The following GALNT18 variants were observed in gnomAD, a reference collection of about 807,000 sequenced individuals.
The protein encoded by GALNT18 is GalNAc-transferase 18.
GALNT18 carries 44 observed loss-of-function variants against 69.5 expected under a neutral mutation model. That is an observed-to-expected ratio of 0.63 (90% CI 0.50 to 0.81). The LOEUF (loss-of-function observed/expected upper bound fraction) is 0.81, where lower values mean the gene tolerates loss of function less well. Ranked by LOEUF, GALNT18 falls within the 40% of genes least tolerant of loss-of-function variation. The probability of loss-of-function intolerance (pLI) is 0.00; values close to 1 mark genes in which losing one functional copy is unlikely to be tolerated. For synonymous variants in GALNT18, 364 were observed against 318.2 expected, an observed-to-expected ratio of 1.14 and a Z score of -1.53; for missense variants, 715 against 810.0, an observed-to-expected ratio of 0.88 and a Z score of 1.42.
chr11:11,594,631 G>A (rs965279935), intron 1 of GALNT18, among the ~76,000 whole-genome samples: 1 of 151,952 alleles, frequency 6.6e-6, no homozygotes, highest in African/African-American at 2.4e-5. Context: ...TGTAGCATGT[G>A]CCAGTATTTT....
At chr11:11,428,769 G>T (rs917041517) in intron 3 of GALNT18, among the ~76,000 whole-genome samples, 6 of 152,158 alleles carry the variant, frequency 3.9e-5, no homozygotes, top group Non-Finnish European at 7.4e-5. Flanking sequence ...TAAGAAAAGA[G>T]AACTAGAACA....
At chr11:11,515,978 C>A (rs7102213) in intron 1 of GALNT18, among the ~76,000 whole-genome samples, 2 of 152,228 alleles carry the variant, frequency 1.3e-5, no homozygotes, top group East Asian at 1.9e-4. Context: ...CAGTCACCTG[C>A]AGGATAAGTG....
At chr11:11,431,928 T>G (rs543660171) in intron 3 of GALNT18, among the ~76,000 whole-genome samples, 1 of 152,348 alleles carries the variant, frequency 6.6e-6, no homozygotes, top group South Asian at 2.1e-4. Context: ...TGGAATGGTA[T>G]ATGATGGCAT....
At chr11:11,570,574 T>A (rs1313245355) in intron 1 of GALNT18, among the ~76,000 whole-genome samples, 1 of 152,202 alleles carries the variant, frequency 6.6e-6, no homozygotes, top group Non-Finnish European at 1.5e-5. Flanking sequence ...CCAAACCAGC[T>A]CTTCTTCCTT....
In GALNT18 at chr11:11,469,149, C is replaced by T. The variant is rs546672244; in HGVS notation, c.236-20213G>A. On this transcript the variant is annotated intron_variant, in intron 1 of 10. Coordinates refer to ENST00000227756, the MANE Select transcript of GALNT18 (RefSeq NM_198516.3). This position sits in a 1 kb window ranked among gnomAD's most constrained non-coding sequence, Gnocchi z 4.2. ...TCTGATGATATTATTTTTTGGATCCCGGTAGCCAAGAAAAGCAGTCTGAGT... is the reference window on the plus strand; with the variant it reads ...TCTGATGATATTATTTTTTGGATCCTGGTAGCCAAGAAAAGCAGTCTGAGT... Among the ~76,000 whole-genome samples, 332 of 152,196 alleles carry T rather than the reference C, an allele frequency of 2.2e-3. 2 individuals are homozygous for T. Among genetic ancestry groups the T allele is most frequent in the African/African-American group, 7.8e-3 (322 of 41,542 alleles).
At chr11:11,473,779 C>A (rs539278781) in intron 1 of GALNT18, among the ~76,000 whole-genome samples, 1 of 152,232 alleles carries the variant, frequency 6.6e-6, no homozygotes, top group South Asian at 2.1e-4. Flanking sequence ...ATAAAATAGA[C>A]CAAGGCCAGG....
In GALNT18 at chr11:11,502,802, C is replaced by T. The variant is rs147922069; in HGVS notation, c.236-53866G>A. 6.8e-3 allele frequency among the ~76,000 whole-genome samples: 1,040 copies of T among 152,294 alleles called. 7 individuals carry two copies. The highest frequency in any genetic ancestry group is 9.0e-3 in the Non-Finnish European group (612 of 68,030). ...AACTTGCCAGTCATGAGAGGCGTAG[C>T]GTATCCTCAGATAAATTCACGGCTG... On this transcript the variant is annotated intron_variant, in intron 1 of 10. Transcript: ENST00000227756.
intron 1 of GALNT18, among the ~76,000 whole-genome samples, chr11:11,509,763 T>A (rs546807358): frequency 1.3e-5 from 2 of 152,310 alleles, no homozygotes; most frequent in South Asian, 4.1e-4. Context: ...TTTGGCCACA[T>A]GCTGGCATAT....
chr11:11,575,708 G>T (rs1858909385), intron 1 of GALNT18, among the ~76,000 whole-genome samples: 1 of 152,198 alleles, frequency 6.6e-6, no homozygotes, highest in South Asian at 2.1e-4. Flanking sequence ...ACCCAGCACA[G>T]TGTGTCTGAA....
chr11:11,544,321 T>C (rs1590086694), intron 1 of GALNT18, among the ~76,000 whole-genome samples: 1 of 152,198 alleles, frequency 6.6e-6, no homozygotes, highest in East Asian at 1.9e-4. Context: ...AAACAGGCCA[T>C]CCCTATTATT....
At chr11:11,279,538 A>T (rs777282988) in intron 10 of GALNT18, among the ~76,000 whole-genome samples, 16 of 152,242 alleles carry the variant, frequency 1.1e-4, no homozygotes, top group Non-Finnish European at 2.2e-4. Flanking sequence ...CAGCAGACAT[A>T]TAACTCACGG....
Position 11,579,022 on chromosome 11 carries a change from A to T in GALNT18, c.235+42337T>A, listed in dbSNP as rs1237530542. 2.6e-5 allele frequency among the ~76,000 whole-genome samples: 4 copies of T among 152,328 alleles called. No individual in the cohort carries two copies. The East Asian group carries it at 7.7e-4, about 29-fold the overall frequency. On this transcript the variant is annotated intron_variant, in intron 1 of 10. Coordinates refer to ENST00000227756, the MANE Select transcript of GALNT18 (RefSeq NM_198516.3). ...AGGAAAGAAGGAAGGGCAGCATCACAGGGCAGCCAGGGAAAAAACAAAGAC... is the reference window on the plus strand; with the variant it reads ...AGGAAAGAAGGAAGGGCAGCATCACTGGGCAGCCAGGGAAAAAACAAAGAC...
Position 11,580,926 on chromosome 11 carries a change from C to T in GALNT18, c.235+40433G>A, listed in dbSNP as rs1339176847. Among the ~76,000 whole-genome samples, 172 of 152,360 alleles carry T rather than the reference C, an allele frequency of 1.1e-3. 1 individual carries two copies. The highest frequency in any genetic ancestry group is 8.8e-5 in the Non-Finnish European group (6 of 68,040). On this transcript the variant is annotated intron_variant, in intron 1 of 10. Transcript: ENST00000227756. ...GACTTTTGTAATCTCCACCGTCCTC[C>T]GGCACAAGGCACTTTAGTGAAAGGT...
rs1312896325 is a variant in GALNT18, at chr11:11,600,170, G to A, written c.235+21189C>T. Among the ~76,000 whole-genome samples, 2 of 152,078 alleles carry A rather than the reference G, an allele frequency of 1.3e-5. No individual in the cohort carries two copies. The highest frequency in any genetic ancestry group is 4.8e-5 in the African/African-American group (2 of 41,442). On this transcript the variant is annotated intron_variant, in intron 1 of 10. Coordinates refer to ENST00000227756, the MANE Select transcript of GALNT18 (RefSeq NM_198516.3). This position sits in a 1 kb window ranked among gnomAD's most constrained non-coding sequence, Gnocchi z 4.8. ...TAAATCAGTTAAGAGAAGAAAGGAG[G>A]AGAAATATACAAATACGTTGTTTTT...
At chr11:11,275,880 C>T (rs1345218236) in intron 10 of GALNT18, among the ~76,000 whole-genome samples, 2 of 152,106 alleles carry the variant, frequency 1.3e-5, no homozygotes, top group Non-Finnish European at 2.9e-5. Context: ...CTGTTCTGTT[C>T]CATTGGTCTA....
chr11:11,274,030 A>C (rs1168198314), intron 10 of GALNT18, among the ~76,000 whole-genome samples: 2 of 152,128 alleles, frequency 1.3e-5, no homozygotes, highest in Non-Finnish European at 2.9e-5. Context: ...TAGCCCACGG[A>C]GGACAAGCTG....
rs1288511847 is a variant in GALNT18, at chr11:11,413,522, T to A, written c.595+19099A>T. ...CAACATTAGACTGCAATTTCAGGTT[T>A]ATATAATTTGGTGCTTAATGCACCG... On this transcript the variant is annotated intron_variant, in intron 3 of 10. Transcript: ENST00000227756. The surrounding 1 kb of genome is among the most constrained non-coding windows in gnomAD (Gnocchi z 4.7). Among the ~76,000 whole-genome samples the A allele has an allele frequency of 6.6e-6, 1 of 152,204 alleles. No individual in the cohort carries two copies. Among genetic ancestry groups the A allele is most frequent in the Non-Finnish European group, 1.5e-5 (1 of 68,034 alleles).
At position 11,454,072 on chromosome 11, in the gene GALNT18, T is replaced by C. The variant is rs536470402; in HGVS notation, c.236-5136A>G. Among the ~76,000 whole-genome samples, 3 of 152,234 alleles carry C rather than the reference T, an allele frequency of 2.0e-5. No individual in the cohort carries two copies. The South Asian group carries it at 6.2e-4, about 32-fold the overall frequency. ...AAATGAACGAATAGGGCATTAGCAG[T>C]GGGTCGTCGTGAGGTCAGAAAACTC... is the stretch of plus-strand genomic sequence containing the variant. On this transcript the variant is annotated intron_variant, in intron 1 of 10. Coordinates refer to ENST00000227756, the MANE Select transcript of GALNT18 (RefSeq NM_198516.3). The surrounding 1 kb of genome is among the most constrained non-coding windows in gnomAD (Gnocchi z 4.2).
chr11:11,386,288 T>C (rs575455387), intron 3 of GALNT18, among the ~76,000 whole-genome samples: 3 of 152,180 alleles, frequency 2.0e-5, no homozygotes, highest in Non-Finnish European at 4.4e-5. Flanking sequence ...ACCATGTTCA[T>C]TGATGCCCAT....
Sources: gnomAD v4.1 joint callset for allele counts (sites outside exome capture counted in the v4.1 genomes callset) on GRCh38, gnomAD v4.1.1 for gene constraint, Gnocchi (gnomAD v3.1) non-coding constraint, MANE v1.5 for transcripts, NCBI Gene and HGNC (gene_info 2026-07-23, HGNC 2026-07-21) for gene names.